PRKG1: variants seen among roughly 807,000 people sequenced by gnomAD.
PRKG1 encodes protein kinase cGMP-dependent 1, also known as cGMP-dependent protein kinase 1.
Under a neutral mutation model 88.1 loss-of-function variants are expected in PRKG1, and 35 were observed. The ratio of observed to expected loss-of-function variants is 0.40; its 90% CI spans 0.30 to 0.53. PRKG1 has a LOEUF of 0.53. Among genes scored for constraint, PRKG1 ranks in the 20% least tolerant of loss-of-function variants. The probability of loss-of-function intolerance (pLI) is 0.59; values close to 1 mark genes in which losing one functional copy is unlikely to be tolerated. For missense variants in PRKG1, 540 were observed against 839.8 expected, an observed-to-expected ratio of 0.64 and a Z score of 4.41; for synonymous variants, 303 against 292.5, an observed-to-expected ratio of 1.04 and a Z score of -0.37.
At chr10:52,054,724 G>GA (rs1201726012) in intron 6 of PRKG1, among the ~76,000 whole-genome samples, 163 bp downstream of exon 6, 3 of 151,938 alleles carry the variant, frequency 2.0e-5, no homozygotes, top group Non-Finnish European at 2.9e-5. Flanking sequence ...ATGCAGGAGG[G>GA]AAAAAAAGAT....
At chr10:51,927,813 T>C (rs1458323529) in intron 5 of PRKG1, among the ~76,000 whole-genome samples, 1 of 152,228 alleles carries the variant, frequency 6.6e-6, no homozygotes, top group Non-Finnish European at 1.5e-5. Flanking sequence ...GACTATGTTA[T>C]TCTAAAATTT....
intron 3 of PRKG1, among the ~76,000 whole-genome samples, chr10:51,597,348 C>A (rs185103441): frequency 1.0e-3 from 158 of 152,304 alleles, no homozygotes; most frequent in African/African-American, 3.4e-3. Flanking sequence ...TTACCAATCA[C>A]ATGAGACTCT....
At chr10:51,043,311 G>GAGGT (rs1843447953) in intron 1 of PRKG1, among the ~76,000 whole-genome samples, 1 of 152,112 alleles carries the variant, frequency 6.6e-6, no homozygotes, top group Non-Finnish European at 1.5e-5. Context: ...ACTGCAGAAT[G>GAGGT]AATACCTGTT....
At chr10:51,105,366 T>C (rs16913956) in intron 1 of PRKG1, among the ~76,000 whole-genome samples, 33,594 of 152,142 alleles carry the variant, frequency 0.22, 3,852 homozygotes, top group Admixed American at 0.27. Context: ...TTTAAAAATC[T>C]CTATTAGACT....
chr10:51,287,387 T>C (rs1268179436), intron 2 of PRKG1, among the ~76,000 whole-genome samples: 1 of 152,246 alleles, frequency 6.6e-6, no homozygotes, highest in East Asian at 1.9e-4. Context: ...CTGTGTGTAG[T>C]AGGATTTTTG....
chr10:52,105,507 G>A (rs1398014032), intron 7 of PRKG1, among the ~76,000 whole-genome samples: 1 of 152,188 alleles, frequency 6.6e-6, no homozygotes, highest in Non-Finnish European at 1.5e-5. Context: ...TGCTATGCCG[G>A]ACTGCAGAGG....
In PRKG1 at chr10:51,804,598, A is replaced by C; in HGVS notation, c.606A>C (p.Val202=). 1 of 1,592,584 alleles carries C rather than the reference A, an allele frequency of 6.3e-7. No homozygotes were observed. ...RTATVKTLVN[V]KLWAIDRQCF... ...ATTTTTCTCCAGCTCTTGTAAATGT[A>C]AAACTCTGGGCCATTGATCGACAAT... Residue 202 remains valine (V), a synonymous_variant, in exon 4 of 18, where the codon GTA becomes GTC. Coordinates refer to ENST00000373980, the MANE Select transcript of PRKG1 (RefSeq NM_006258.4).
At chr10:52,135,335 C>G (rs1403720110) in intron 8 of PRKG1, among the ~76,000 whole-genome samples, 2 of 152,090 alleles carry the variant, frequency 1.3e-5, no homozygotes, top group African/African-American at 2.4e-5. Context: ...GGTGCTGTAA[C>G]AAGTTCACAA....
chr10:51,059,678 C>G (rs1399777808), intron 1 of PRKG1, among the ~76,000 whole-genome samples: 1 of 152,106 alleles, frequency 6.6e-6, no homozygotes, highest in Non-Finnish European at 1.5e-5. Context: ...TCTTCTGCAG[C>G]AAGACACCAT....
chr10:52,183,751 TG>T (rs1245728568), intron 9 of PRKG1, among the ~76,000 whole-genome samples: 6 of 152,134 alleles, frequency 3.9e-5, no homozygotes. Flanking sequence ...TTACAAAGCC[TG>T]GGTGGGGGTG....
intron 3 of PRKG1, among the ~76,000 whole-genome samples, chr10:51,620,783 G>A (rs1839185048): frequency 6.6e-6 from 1 of 151,742 alleles, no homozygotes; most frequent in Non-Finnish European, 1.5e-5. Flanking sequence ...GAAAAGTGAA[G>A]CACAAATAAA....
intron 3 of PRKG1, among the ~76,000 whole-genome samples, chr10:51,578,927 T>C (rs116513297): frequency 0.069 from 10,425 of 151,306 alleles, 1,194 homozygotes; most frequent in African/African-American, 0.24. Context: ...TAATTTTACC[T>C]GTGTGTTGCC....
rs149508746 is a variant in PRKG1, at chr10:51,643,765, G to A, written c.593-160820G>A. Among the ~76,000 whole-genome samples, 852 of 152,214 alleles carry A rather than the reference G, an allele frequency of 5.6e-3. 9 individuals carry two copies. The highest frequency in any genetic ancestry group is 0.02 in the African/African-American group (820 of 41,544). On this transcript the variant is annotated intron_variant, in intron 3 of 17. Transcript: ENST00000373980. ...ATAGTTCTCTAGTACTTCTAATGCTGCTGACAAAAACAAAACAAAACAAAA... is the reference window on the plus strand; with the variant it reads ...ATAGTTCTCTAGTACTTCTAATGCTACTGACAAAAACAAAACAAAACAAAA...
At chr10:52,131,070 G>C (rs987750503) in intron 7 of PRKG1, among the ~76,000 whole-genome samples, 1 of 152,158 alleles carries the variant, frequency 6.6e-6, no homozygotes, top group Non-Finnish European at 1.5e-5. Context: ...CTTGTGAATG[G>C]AGGGAATGGA....
chr10:52,144,077 G>C (rs374393136), intron 8 of PRKG1, among the ~76,000 whole-genome samples: 2 of 152,148 alleles, frequency 1.3e-5, no homozygotes, highest in Admixed American at 6.6e-5. Flanking sequence ...TATAACATGA[G>C]AGCCAAGTTG....
chr10:51,729,950 C>A (rs956743308), intron 3 of PRKG1, among the ~76,000 whole-genome samples: 1 of 152,046 alleles, frequency 6.6e-6, no homozygotes, highest in African/African-American at 2.4e-5. Flanking sequence ...CATAGCTTCC[C>A]CTGTTATCAA....
At chr10:51,857,335 T>C (rs1043404326) in intron 4 of PRKG1, among the ~76,000 whole-genome samples, 2 of 152,238 alleles carry the variant, frequency 1.3e-5, no homozygotes, top group Non-Finnish European at 2.9e-5. Flanking sequence ...CAACTAATTC[T>C]AATACTAATG....
chr10:51,084,904 A>G (rs779950194), intron 1 of PRKG1, among the ~76,000 whole-genome samples: 2 of 152,224 alleles, frequency 1.3e-5, no homozygotes, highest in African/African-American at 2.4e-5. Context: ...GGTAATATCA[A>G]GCTTTCACCA....
intron 8 of PRKG1, among the ~76,000 whole-genome samples, chr10:52,137,826 T>G (rs959559778): frequency 2.0e-5 from 3 of 152,138 alleles, no homozygotes; most frequent in Admixed American, 6.6e-5. Flanking sequence ...TATGGAAGGC[T>G]GACTGTATAC....
Sources: gnomAD v4.1 joint callset for allele counts (sites outside exome capture counted in the v4.1 genomes callset) on GRCh38, gnomAD v4.1.1 for gene constraint, MANE v1.5 for transcripts, NCBI Gene and HGNC (gene_info 2026-07-23, HGNC 2026-07-21) for gene names.